DDX46: variants seen among roughly 807,000 people sequenced by gnomAD.
The protein encoded by DDX46 is DEAD-box helicase 46.
Under a neutral mutation model 134.9 loss-of-function variants are expected in DDX46, and 30 were observed. That is an observed-to-expected ratio of 0.22 (90% CI 0.17 to 0.30). The LOEUF is 0.30. DDX46 is among the 10% of genes least tolerant of loss of function. DDX46 has a pLI of 1.00. For missense variants in DDX46, 622 were observed against 1,248.7 expected, an observed-to-expected ratio of 0.50 and a Z score of 7.56; for synonymous variants, 415 against 404.1, an observed-to-expected ratio of 1.03 and a Z score of -0.32.
At chr5:134,790,829 A>G (rs946484562) in intron 13 of DDX46, among the ~76,000 whole-genome samples, 3 of 148,028 alleles carry the variant, frequency 2.0e-5, no homozygotes, top group Admixed American at 6.8e-5. Flanking sequence ...CTTAAGCCTT[A>G]TTTTTTTTTT....
At chr5:134,780,140 A>G (rs201451835) in intron 6 of DDX46, among the ~76,000 whole-genome samples, 3,544 of 132,688 alleles carry the variant, frequency 0.027, 49 homozygotes, top group Middle Eastern at 0.041. Context: ...GTGTGTGTGT[A>G]TATGTATATA....
chr5:134,771,042 G>T, intron 4 of DDX46, 43 bp downstream of exon 4: 1 of 839,772 alleles, frequency 1.2e-6, no homozygotes, highest in East Asian at 2.7e-5. Context: ...CTTTCTTTTT[G>T]TCTTTCTTTC....
chr5:134,766,603 C>T (rs1014866859), intron 2 of DDX46, among the ~76,000 whole-genome samples: 2 of 151,788 alleles, frequency 1.3e-5, no homozygotes, highest in Admixed American at 6.6e-5. Flanking sequence ...CATCTGTAAT[C>T]CCAGCTGCTG....
At chr5:134,810,861 C>T (rs1444558699) in intron 16 of DDX46, among the ~76,000 whole-genome samples, 1 of 151,864 alleles carries the variant, frequency 6.6e-6, no homozygotes, top group African/African-American at 2.4e-5. Flanking sequence ...CAAAAATTAG[C>T]CGGGCATAGT....
chr5:134,816,281 C>T (rs1394150163), intron 18 of DDX46, 149 bp from the exon 19 acceptor site: 9 of 639,830 alleles, frequency 1.4e-5, no homozygotes, highest in East Asian at 3.3e-5. Context: ...GTATATTTTC[C>T]CATGGATCTG....
intron 14 of DDX46, among the ~76,000 whole-genome samples, 187 bp downstream of exon 14, chr5:134,795,201 C>CTTTTTT (rs1301651132): frequency 7.2e-6 from 1 of 138,158 alleles, no homozygotes; most frequent in African/African-American, 3.0e-5. Flanking sequence ...ATTTAAAATG[C>CTTTTTT]TTGTTTTTTT....
intron 11 of DDX46, among the ~76,000 whole-genome samples, chr5:134,786,735 C>T (rs1027527838): frequency 6.6e-6 from 1 of 152,134 alleles, no homozygotes. Context: ...ATATCAGCTA[C>T]TCGGTAGGCT....
intron 1 of DDX46, among the ~76,000 whole-genome samples, chr5:134,762,505 G>A (rs902334353): frequency 1.3e-5 from 2 of 152,136 alleles, no homozygotes; most frequent in Non-Finnish European, 2.9e-5. Context: ...GGCTGAGGCA[G>A]GTAGATCACC....
At chr5:134,818,012 C>T (rs75827546) in intron 20 of DDX46, among the ~76,000 whole-genome samples, 5,894 of 150,526 alleles carry the variant, frequency 0.039, 146 homozygotes, top group Non-Finnish European at 0.063. Context: ...TACAATGGTG[C>T]GATCTCGACT....
chr5:134,799,383 G>T, intron 15 of DDX46, among the ~76,000 whole-genome samples: 1 of 149,648 alleles, frequency 6.7e-6, no homozygotes, highest in Non-Finnish European at 1.5e-5. Flanking sequence ...CTGGGCTCAA[G>T]CAATCATCCC....
At chr5:134,776,539 G>A (rs1753942237) in intron 5 of DDX46, among the ~76,000 whole-genome samples, 1 of 152,158 alleles carries the variant, frequency 6.6e-6, no homozygotes, top group South Asian at 2.1e-4. Flanking sequence ...TCTTGTCTCT[G>A]GGGTGGCAAA....
chr5:134,759,413 GCA>G (rs1234216516), intron 1 of DDX46, among the ~76,000 whole-genome samples: 3 of 152,202 alleles, frequency 2.0e-5, no homozygotes, highest in African/African-American at 7.2e-5. Flanking sequence ...CGCATCGACA[GCA>G]CTATACACGA....
chr5:134,772,889 C>T (rs80324234), intron 4 of DDX46, among the ~76,000 whole-genome samples: 1,910 of 152,220 alleles, frequency 0.013, 39 homozygotes, highest in African/African-American at 0.044. Flanking sequence ...GCAACCTCTG[C>T]CTCCTGAGTC....
chr5:134,795,217 TTTG>T (rs1754619424), intron 14 of DDX46, among the ~76,000 whole-genome samples: 1 of 147,318 alleles, frequency 6.8e-6, no homozygotes, highest in African/African-American at 2.6e-5. Context: ...TTTTTTTTTT[TTTG>T]TTTTTTTTTT....
intron 1 of DDX46, among the ~76,000 whole-genome samples, chr5:134,760,334 G>T (rs554977664): frequency 1.3e-5 from 2 of 152,304 alleles, no homozygotes; most frequent in Admixed American, 1.3e-4. Context: ...TTAGAGGTGG[G>T]AAGGCGCAAG....
chr5:134,794,856 C>T lies in DDX46; in HGVS notation c.1633C>T (p.Arg545Cys). The change falls in exon 14 of 23, where the codon CGC becomes TGC. Residue 545 changes from arginine to cysteine, a missense_variant. Transcript: ENST00000452510. ...AATGTTTTCTTTTTCTCAGGTCATG[C>T]GCATCGTGGATAATGTTCGTCCTGA... The part of the protein sequence containing the change: ...FDMGFEPQVM[R>C]IVDNVRPDRQ... 6.2e-7 allele frequency: 1 copy of T among 1,613,960 alleles called. No homozygotes were observed. Among genetic ancestry groups the T allele is most frequent in the Non-Finnish European group, 8.5e-7 (1 of 1,179,936 alleles).
In DDX46 at chr5:134,767,008, C is replaced by A; in HGVS notation, c.298C>A (p.Arg100=). 3 of 1,613,948 alleles carry A rather than the reference C, an allele frequency of 1.9e-6. No homozygotes were observed. The highest frequency in any genetic ancestry group is 2.5e-6 in the Non-Finnish European group (3 of 1,179,968). The change falls in exon 3 of 23, where the codon CGG becomes AGG. Residue 100 remains arginine, a synonymous_variant. Coordinates refer to ENST00000452510, the MANE Select transcript of DDX46 (RefSeq NM_001300860.2). ...RRRSRSRSRG[R]RSRSSSPGNK... is the part of the protein sequence containing the mutation. Reference sequence around the variant, plus strand: ...ACGCTCAAGGAGTAGAAGCCGGGGCCGGCGATCCCGATCCTCCAGTCCTGG... The same window carrying A: ...ACGCTCAAGGAGTAGAAGCCGGGGCAGGCGATCCCGATCCTCCAGTCCTGG...
chr5:134,779,874 G>T (rs954628538), intron 6 of DDX46, among the ~76,000 whole-genome samples: 4 of 152,322 alleles, frequency 2.6e-5, no homozygotes, highest in East Asian at 1.9e-4. Context: ...CGAGGCAGAC[G>T]GATCACCTGA....
chr5:134,759,170 GA>G (rs1202128624), intron 1 of DDX46, among the ~76,000 whole-genome samples: 1 of 152,176 alleles, frequency 6.6e-6, no homozygotes. Flanking sequence ...CAGAGGGTTC[GA>G]GCCCCTGGAG....
Sources: gnomAD v4.1 joint callset for allele counts (sites outside exome capture counted in the v4.1 genomes callset) on GRCh38, gnomAD v4.1.1 for gene constraint, MANE v1.5 for transcripts, NCBI Gene and HGNC (gene_info 2026-07-23, HGNC 2026-07-21) for gene names.